Variants in CAMKK1 observed in about 807,000 individuals in gnomAD.
CAMKK1 encodes the protein calcium/calmodulin dependent protein kinase kinase 1, also known as calcium/calmodulin-dependent protein kinase kinase 1.
CAMKK1 carries 20 observed loss-of-function variants against 63.5 expected under a neutral mutation model. The ratio of observed to expected loss-of-function variants is 0.32; its 90% CI spans 0.22 to 0.46. CAMKK1 has a LOEUF of 0.46. Ranked by LOEUF, CAMKK1 falls within the 20% of genes least tolerant of loss-of-function variation. The pLI is 1.00. For missense variants in CAMKK1, 588 were observed against 658.1 expected (o/e 0.89, Z 1.17); for synonymous variants, 253 against 269.0 (o/e 0.94, Z 0.58).
intron 12 of CAMKK1, among the ~76,000 whole-genome samples, chr17:3,871,783 C>T (rs545421990): frequency 6.6e-6 from 1 of 151,694 alleles, no homozygotes; most frequent in East Asian, 1.9e-4. Flanking sequence ...GTAGCTGGGA[C>T]TACAGATGTG....
At chr17:3,865,436 C>T (rs954780589) in intron 15 of CAMKK1, 3 of 993,798 alleles carry the variant, frequency 3.0e-6, no homozygotes, top group Non-Finnish European at 3.6e-6. Flanking sequence ...GGAGAGCAGC[C>T]AACAGTCCCC....
In CAMKK1 at chr17:3,862,972, G is replaced by A. The variant is rs753767475; in HGVS notation, c.1446-689C>T. Among the ~76,000 whole-genome samples, 7 of 152,086 alleles carry A rather than the reference G, an allele frequency of 4.6e-5. No individual in the cohort carries two copies. The highest frequency in any genetic ancestry group is 8.8e-5 in the Non-Finnish European group (6 of 68,018). ...CTGTGTTGACCTCAGTCATCCCCCA[G>A]CAGATCTGGGTAGAGAGGCTTTCAT... is the stretch of plus-strand genomic sequence containing the variant. On this transcript the variant is annotated intron_variant, in intron 15 of 15. Transcript: ENST00000348335. This position sits in a 1 kb window ranked among gnomAD's most constrained non-coding sequence, Gnocchi z 4.1.
intron 9 of CAMKK1, among the ~76,000 whole-genome samples, chr17:3,876,675 C>T (rs2055172100): frequency 6.6e-6 from 1 of 152,010 alleles, no homozygotes; most frequent in Admixed American, 6.5e-5. Flanking sequence ...AGCACCCTCT[C>T]CATGACAAAC....
chr17:3,868,901 C>A (rs2054700540), intron 14 of CAMKK1, among the ~76,000 whole-genome samples: 1 of 152,094 alleles, frequency 6.6e-6, no homozygotes, highest in Admixed American at 6.5e-5. Context: ...GATCCACCCG[C>A]CTCGGCCTCC....
chr17:3,885,349 G>A lies in CAMKK1; in HGVS notation c.339C>T (p.His113=), dbSNP rs377057845. The part of the protein sequence containing the change: ...AWRRPTIESH[H]VAISDAEDCV... The stretch of plus-strand genomic sequence containing the variant: ...CAACCTCTGCATCTGAGATGGCCAC[G>A]TGGTGGGACTCGATGGTGGGCCTCC... Residue 113 remains histidine (H), a synonymous_variant, in exon 2 of 16, where the codon CAC becomes CAT. Transcript: ENST00000348335. 7.0e-5 allele frequency: 112 copies of A among 1,600,146 alleles called. No homozygotes were observed. The highest frequency in any genetic ancestry group is 8.1e-5 in the Non-Finnish European group (95 of 1,171,096).
intron 1 of CAMKK1, among the ~76,000 whole-genome samples, chr17:3,886,804 C>T (rs1221924330): frequency 6.6e-6 from 1 of 152,104 alleles, no homozygotes; most frequent in Non-Finnish European, 1.5e-5. Context: ...CCGGACTGAA[C>T]CCTGACACTC....
rs1028892792 is a variant in CAMKK1 at position 3,862,429 on chromosome 17, C to A, written c.1446-146G>T. The A allele has an allele frequency of 1.4e-5, 10 of 693,756 alleles. No homozygotes were observed. The Admixed American group carries it at 1.8e-4, about 13-fold the overall frequency. 43.0% of individuals were successfully genotyped at this position (693,756 alleles called of 1,614,324 possible). ...TGCCCCAAGCTTGGCCTCCCTCTGGCCTCCCTACATCACGGCAGTTGCTCC... is the reference window on the plus strand; with the variant it reads ...TGCCCCAAGCTTGGCCTCCCTCTGGACTCCCTACATCACGGCAGTTGCTCC... On this transcript the variant is annotated intron_variant, in intron 15 of 15. Transcript: ENST00000348335. This position sits in a 1 kb window ranked among gnomAD's most constrained non-coding sequence, Gnocchi z 4.1.
rs2055569634 is a variant in CAMKK1, at chr17:3,884,719, G to T, written c.361-292C>A. ...AATTCCTGTCTGGATTCTGGAGTCT[G>T]GAAGACCCTAATCCATGAGAAACCC... is the stretch of plus-strand genomic sequence containing the variant. On this transcript the variant is annotated intron_variant, in intron 2 of 15. Coordinates refer to ENST00000348335, the MANE Select transcript of CAMKK1 (RefSeq NM_032294.3). The surrounding 1 kb of genome is among the most constrained non-coding windows in gnomAD (Gnocchi z 4.5). Among the ~76,000 whole-genome samples, 1 of 152,200 alleles carries T rather than the reference G, an allele frequency of 6.6e-6. No individual in the cohort carries two copies.
At chr17:3,868,247 G>A (rs1220009396) in intron 14 of CAMKK1, among the ~76,000 whole-genome samples, 1 of 122,656 alleles carries the variant, frequency 8.2e-6, no homozygotes, top group Admixed American at 8.3e-5. Context: ...ACTGATACGT[G>A]GGCTCTGGGG....
chr17:3,868,483 G>T (rs1264216544), intron 14 of CAMKK1, among the ~76,000 whole-genome samples: 3 of 152,124 alleles, frequency 2.0e-5, no homozygotes, highest in African/African-American at 7.2e-5. Context: ...TAACTGATAC[G>T]TGGGCTTTGG....
intron 10 of CAMKK1, among the ~76,000 whole-genome samples, chr17:3,874,001 G>T (rs2055026490): frequency 6.6e-6 from 1 of 152,182 alleles, no homozygotes. Context: ...CTGGACTCCA[G>T]CGTGTGCTCT....
chr17:3,871,333 G>GTTTTTTTTTTTTGTTTTTTTTT (rs2054840271), intron 12 of CAMKK1, among the ~76,000 whole-genome samples: 1 of 111,006 alleles, frequency 9.0e-6, no homozygotes, highest in Non-Finnish European at 1.9e-5. Flanking sequence ...GTTGTTTTTT[G>GTTTTTTTTTTTTGTTTTTTTTT]TTTTTTTTTT....
intron 12 of CAMKK1, among the ~76,000 whole-genome samples, chr17:3,871,456 G>A (rs1446998231): frequency 2.1e-5 from 3 of 142,028 alleles, no homozygotes; most frequent in East Asian, 2.2e-4. Flanking sequence ...CCGGGTTCAC[G>A]CCGTTCTCCT....
rs762675909 is a variant in CAMKK1 at position 3,892,434 on chromosome 17, C to T, written c.-44+505G>A. Among the ~76,000 whole-genome samples, 4 of 152,194 alleles carry T rather than the reference C, an allele frequency of 2.6e-5. No individual in the cohort carries two copies. The highest frequency in any genetic ancestry group is 1.3e-4 in the Admixed American group (2 of 15,284). On this transcript the variant is annotated intron_variant, in intron 1 of 15. Transcript: ENST00000348335. The surrounding 1 kb of genome is among the most constrained non-coding windows in gnomAD (Gnocchi z 7.5). Reference sequence around the variant, plus strand: ...GCCGCAGCGCCCGCCTCTGCCGCCCCCTCTCGCCCCAGCCAAGGCAGGACC... The same window carrying T: ...GCCGCAGCGCCCGCCTCTGCCGCCCTCTCTCGCCCCAGCCAAGGCAGGACC...
At position 3,887,514 on chromosome 17, in the gene CAMKK1, A is replaced by G. The variant is rs935228346; in HGVS notation, c.-43-1784T>C. 1.4e-5 allele frequency among the ~76,000 whole-genome samples: 2 copies of G among 147,788 alleles called. No homozygotes were observed. The highest frequency in any genetic ancestry group is 1.3e-4 in the Admixed American group (2 of 14,982). ...TGAGGAGGCTGAGTGAGGCTAGAGT[A>G]TCAGGGAGGCCTCCCTGGAAGAGAG... is the stretch of plus-strand genomic sequence containing the variant. On this transcript the variant is annotated intron_variant, in intron 1 of 15. Coordinates refer to ENST00000348335, the MANE Select transcript of CAMKK1 (RefSeq NM_032294.3). The surrounding 1 kb of genome is among the most constrained non-coding windows in gnomAD (Gnocchi z 6.1).
chr17:3,867,271 A>C (rs2054567028), intron 14 of CAMKK1, among the ~76,000 whole-genome samples: 1 of 152,192 alleles, frequency 6.6e-6, no homozygotes. Flanking sequence ...CTCCCCGGGC[A>C]GAGGGAAGCG....
At position 3,890,641 on chromosome 17, in the gene CAMKK1, C is replaced by T; in HGVS notation, c.-44+2298G>A. The stretch of plus-strand genomic sequence containing the variant: ...TCAGCAATCCGGGAGCCCTCCTTGT[C>T]ACTCGTCCTTTCCCTGTTGCCCACC... On this transcript the variant is annotated intron_variant, in intron 1 of 15. Coordinates refer to ENST00000348335, the MANE Select transcript of CAMKK1 (RefSeq NM_032294.3). This position sits in a 1 kb window ranked among gnomAD's most constrained non-coding sequence, Gnocchi z 6.5. 2.6e-6 allele frequency: 2 copies of T among 779,674 alleles called. No individual in the cohort carries two copies. Among genetic ancestry groups the T allele is most frequent in the Admixed American group, 3.4e-5 (2 of 59,038 alleles). 48.3% of individuals were successfully genotyped at this position (779,674 alleles called of 1,614,324 possible).
At chr17:3,885,270 G>A (rs571961689) in intron 2 of CAMKK1, 58 bp downstream of exon 2, 2 of 1,492,556 alleles carry the variant, frequency 1.3e-6, no homozygotes, top group Non-Finnish European at 1.8e-6. Context: ...GCAGGAAAGA[G>A]TCTTCATTGC....
Position 3,869,948 on chromosome 17 carries a change from C to T in CAMKK1, c.1125-60G>A, listed in dbSNP as rs912913487. ...CCGCTGATGAGGACCCCTTCCTGTC[C>T]ACCTCTCTTCCCGAAACCTTCGTCC... is the stretch of plus-strand genomic sequence containing the variant. On this transcript the variant is annotated intron_variant, in intron 12 of 15. Transcript: ENST00000348335. 22 of 1,369,320 alleles carry T rather than the reference C, an allele frequency of 1.6e-5. No homozygotes were observed. The African/African-American group carries it at 2.4e-4, about 15-fold the overall frequency. The allele number at this position is 1,369,320 out of a possible 1,614,324, so 84.8% of individuals were successfully genotyped here. A position where few individuals can be genotyped will look rare whatever the true frequency, so the allele number is the denominator to read the frequency against.
Sources: allele counts gnomAD v4.1 joint callset (sites outside exome capture counted in the v4.1 genomes callset), GRCh38; gene constraint gnomAD v4.1.1; non-coding constraint Gnocchi (gnomAD v3.1); transcripts MANE v1.5; gene names NCBI Gene and HGNC (gene_info 2026-07-23, HGNC 2026-07-21).